The following SLC22A15 variants were observed in gnomAD, a reference collection of about 807,000 sequenced individuals.
SLC22A15 encodes solute carrier family 22 member 15.
A neutral mutation model predicts 62.7 loss-of-function variants in SLC22A15; 45 were observed. The ratio of observed to expected loss-of-function variants is 0.72; its 90% confidence interval spans 0.56 to 0.92. The LOEUF (loss-of-function observed/expected upper bound fraction) is 0.92. SLC22A15 is among the 40% of genes least tolerant of loss of function. The pLI is 0.00. For missense variants in SLC22A15, 622 were observed against 665.6 expected, an observed-to-expected ratio of 0.93 and a Z score of 0.72; for synonymous variants, 264 against 267.0, an observed-to-expected ratio of 0.99 and a Z score of 0.11.
At chr1:116,021,876 C>A (rs1212598304) in intron 4 of SLC22A15, among the ~76,000 whole-genome samples, 1 of 152,158 alleles carries the variant, frequency 6.6e-6, no homozygotes, top group Non-Finnish European at 1.5e-5. Context: ...CTTGATGACA[C>A]CCAGGTCATC....
intron 8 of SLC22A15, among the ~76,000 whole-genome samples, chr1:116,055,751 A>G (rs1658187252): frequency 6.7e-6 from 1 of 148,494 alleles, no homozygotes; most frequent in African/African-American, 2.5e-5. Context: ...CTGGTTCAAT[A>G]TAGGCAAATC....
chr1:116,066,012 TAA>T (rs1363897422), intron 10 of SLC22A15, among the ~76,000 whole-genome samples: 4 of 152,230 alleles, frequency 2.6e-5, no homozygotes, highest in Non-Finnish European at 4.4e-5. Context: ...GTTGGTTTTT[TAA>T]AAGAGTTTTT....
At chr1:115,995,570 C>T (rs1221194612) in intron 2 of SLC22A15, among the ~76,000 whole-genome samples, 1 of 152,140 alleles carries the variant, frequency 6.6e-6, no homozygotes, top group Non-Finnish European at 1.5e-5. Flanking sequence ...TATTTCTTAA[C>T]TCCAGCACTT....
At chr1:116,053,806 G>A (rs1194110333) in intron 8 of SLC22A15, among the ~76,000 whole-genome samples, 1 of 151,900 alleles carries the variant, frequency 6.6e-6, no homozygotes, top group Non-Finnish European at 1.5e-5. Context: ...GCCAAACTAA[G>A]CTTCATAAGT....
intron 1 of SLC22A15, among the ~76,000 whole-genome samples, chr1:115,989,414 A>C (rs777512180): frequency 2.0e-5 from 3 of 152,176 alleles, no homozygotes; most frequent in Non-Finnish European, 2.9e-5. Flanking sequence ...ACCATGCCTC[A>C]GATTAGAGGA....
intron 8 of SLC22A15, among the ~76,000 whole-genome samples, chr1:116,045,541 C>G (rs1232325241): frequency 6.6e-6 from 1 of 151,154 alleles, no homozygotes; most frequent in African/African-American, 2.4e-5. Context: ...GAGTTTGAGA[C>G]CAGCTTGGCC....
chr1:115,979,876 T>C (rs2101044268), intron 1 of SLC22A15, among the ~76,000 whole-genome samples: 1 of 152,182 alleles, frequency 6.6e-6, no homozygotes, highest in East Asian at 1.9e-4. Flanking sequence ...CCCCATTTAC[T>C]ATCAGGAACA....
chr1:116,065,122 G>A (rs958499381), intron 10 of SLC22A15, among the ~76,000 whole-genome samples: 4 of 151,894 alleles, frequency 2.6e-5, no homozygotes, highest in Admixed American at 2.6e-4. Flanking sequence ...AAGAACCCAG[G>A]GGACCCCTAC....
Position 116,066,504 on chromosome 1 carries a change from C to G in SLC22A15, c.1366-16C>G. 1 of 1,490,622 alleles carries G rather than the reference C, an allele frequency of 6.7e-7. No homozygotes were observed. The highest frequency in any genetic ancestry group is 9.0e-7 in the Non-Finnish European group (1 of 1,105,900). 92.3% of individuals were successfully genotyped at this position (1,490,622 alleles called of 1,614,324 possible). ...AATTCTCTGGTTTATTTTCATTCCA[C>G]TCCCCGCCTCTGCAGAAATATGTGC... On this transcript the variant is annotated splice_polypyrimidine_tract_variant and intron_variant, in intron 10 of 11. Transcript: ENST00000369503.
At chr1:116,033,692 G>C (rs933989415) in intron 6 of SLC22A15, among the ~76,000 whole-genome samples, 1 of 151,928 alleles carries the variant, frequency 6.6e-6, no homozygotes, top group Non-Finnish European at 1.5e-5. Context: ...AGGTGTAAGG[G>C]ATTTTAAAAA....
chr1:116,018,214 G>A (rs1015899699), intron 2 of SLC22A15, among the ~76,000 whole-genome samples: 2 of 151,962 alleles, frequency 1.3e-5, no homozygotes, highest in East Asian at 3.9e-4. Flanking sequence ...TCTATTTTCT[G>A]CCTCTATGAA....
intron 8 of SLC22A15, among the ~76,000 whole-genome samples, chr1:116,055,754 G>C (rs200759393): frequency 0.96 from 139,815 of 145,686 alleles, 67,411 homozygotes; most frequent in East Asian, 1. Flanking sequence ...GTTCAATATA[G>C]GCAAATCAAT....
intron 8 of SLC22A15, among the ~76,000 whole-genome samples, chr1:116,059,863 A>G (rs1479827857): frequency 6.6e-6 from 1 of 152,224 alleles, no homozygotes; most frequent in Admixed American, 6.5e-5. Flanking sequence ...GTATCTGGAA[A>G]ACCTTCCAGA....
intron 8 of SLC22A15, among the ~76,000 whole-genome samples, chr1:116,053,707 T>C (rs889739771): frequency 5.9e-5 from 9 of 152,198 alleles, no homozygotes; most frequent in Admixed American, 5.2e-4. Flanking sequence ...GCGGATCTCT[T>C]GGCAGAAACT....
At chr1:116,047,152 C>T (rs759332262) in intron 8 of SLC22A15, among the ~76,000 whole-genome samples, 10 of 152,080 alleles carry the variant, frequency 6.6e-5, no homozygotes, top group South Asian at 2.1e-4. Context: ...AAACTGGCCG[C>T]GCACAGTGGC....
intron 1 of SLC22A15, among the ~76,000 whole-genome samples, chr1:115,984,373 A>T (rs1464844630): frequency 2.6e-5 from 4 of 152,198 alleles, no homozygotes; most frequent in Non-Finnish European, 5.9e-5. Flanking sequence ...GGTGGAATTC[A>T]CATCTCCATT....
intron 2 of SLC22A15, among the ~76,000 whole-genome samples, chr1:116,004,414 G>T: frequency 6.6e-6 from 1 of 152,092 alleles, no homozygotes. Context: ...TATTATGAAT[G>T]TATATTGAAT....
intron 8 of SLC22A15, among the ~76,000 whole-genome samples, chr1:116,062,498 G>T (rs1292955246): frequency 6.6e-6 from 1 of 152,128 alleles, no homozygotes; most frequent in Non-Finnish European, 1.5e-5. Flanking sequence ...AGTTTTCAGG[G>T]TACTCTGTCA....
rs142184619 is a variant in SLC22A15 at position 115,979,632 on chromosome 1, G to A, written c.87+2918G>A. ...AGCATATTACTGTTTCTCTTCTGAT[G>A]GTGATTCCGAGTTGCTGCCATCGTC... On this transcript the variant is annotated intron_variant, in intron 1 of 11. Transcript: ENST00000369503. 1.9e-3 allele frequency among the ~76,000 whole-genome samples: 282 copies of A among 152,238 alleles called. 3 individuals carry two copies. The highest frequency in any genetic ancestry group is 1.7e-3 in the Non-Finnish European group (116 of 68,018).
Sources: allele counts gnomAD v4.1 joint callset (sites outside exome capture counted in the v4.1 genomes callset), GRCh38; gene constraint gnomAD v4.1.1; transcripts MANE v1.5; gene names NCBI Gene and HGNC (gene_info 2026-07-23, HGNC 2026-07-21).